TMEM229B: variants seen among roughly 807,000 people sequenced by gnomAD.
The protein encoded by TMEM229B is transmembrane protein 229B.
Under a neutral mutation model 13.7 loss-of-function variants are expected in TMEM229B, and 6 were observed. The observed-to-expected ratio is 0.44, with a 90% CI of 0.24 to 0.86. The LOEUF is 0.86. Among genes scored for constraint, TMEM229B ranks in the 40% least tolerant of loss-of-function variants. The pLI is 0.23. For missense variants in TMEM229B, 170 were observed against 236.0 expected (o/e 0.72, Z 1.83); for synonymous variants, 107 against 102.1 (o/e 1.05, Z -0.29).
At chr14:67,477,799 C>T (rs1384767106) in intron 2 of TMEM229B, among the ~76,000 whole-genome samples, 1 of 152,194 alleles carries the variant, frequency 6.6e-6, no homozygotes, top group Non-Finnish European at 1.5e-5. Flanking sequence ...AACCCATTAT[C>T]TTTTCCCCAA....
At chr14:67,506,386 G>A (rs1294580420) in intron 1 of TMEM229B, among the ~76,000 whole-genome samples, 9 of 152,122 alleles carry the variant, frequency 5.9e-5, no homozygotes. Flanking sequence ...ACAGTGGGAG[G>A]CAAAATTAAG....
rs925181465 is a variant in TMEM229B at position 67,471,958 on chromosome 14, T to A, written c.*1462A>T. On this transcript the variant is annotated 3_prime_UTR_variant, in exon 3 of 3. Transcript: ENST00000554480. ...CTAACGGACCCTTCCCCTTGAGGAG[T>A]GAGAGTCAGAGCCGGAAGTAGGCTG... 6.6e-6 allele frequency: 1 copy of A among 151,970 alleles called. No individual in the cohort carries two copies. Among genetic ancestry groups the A allele is most frequent in the Non-Finnish European group, 1.5e-5 (1 of 68,026 alleles). 9.4% of individuals were successfully genotyped at this position (151,970 alleles called of 1,614,324 possible).
chr14:67,505,301 G>T (rs369737819), intron 1 of TMEM229B, among the ~76,000 whole-genome samples: 10 of 152,108 alleles, frequency 6.6e-5, no homozygotes, highest in African/African-American at 2.2e-4. Context: ...TAGAAAACTG[G>T]CCCTCCTGTC....
intron 1 of TMEM229B, among the ~76,000 whole-genome samples, chr14:67,507,023 C>T (rs766342678): frequency 2.0e-5 from 3 of 151,866 alleles, no homozygotes; most frequent in Non-Finnish European, 4.4e-5. Flanking sequence ...AAGCCTTGTT[C>T]AAAGGGAACT....
chr14:67,516,395 G>A (rs2033201124), upstream of TMEM229B, among the ~76,000 whole-genome samples: 1 of 124,540 alleles, frequency 8.0e-6, no homozygotes, highest in Non-Finnish European at 1.9e-5. Flanking sequence ...AACCTAGCTG[G>A]AGAGGGGGGG....
chr14:67,477,625 T>C (rs2140063103), intron 2 of TMEM229B, among the ~76,000 whole-genome samples: 1 of 152,048 alleles, frequency 6.6e-6, no homozygotes, highest in East Asian at 1.9e-4. Flanking sequence ...CCAAACTCCT[T>C]TCCTAAATCA....
intron 1 of TMEM229B, among the ~76,000 whole-genome samples, chr14:67,523,488 A>G (rs897754825): frequency 3.3e-5 from 5 of 152,224 alleles, no homozygotes; most frequent in African/African-American, 1.2e-4. Flanking sequence ...AAAGAATGAA[A>G]CCTAGGCATT....
intron 2 of TMEM229B, among the ~76,000 whole-genome samples, chr14:67,475,818 C>T (rs1349178281): frequency 6.6e-6 from 1 of 152,242 alleles, no homozygotes; most frequent in Admixed American, 6.5e-5. Flanking sequence ...CCACCAGCGA[C>T]TGTCTGCACC....
At chr14:67,509,239 C>T (rs1007799779) in intron 1 of TMEM229B, among the ~76,000 whole-genome samples, 5 of 152,192 alleles carry the variant, frequency 3.3e-5, no homozygotes, top group Non-Finnish European at 5.9e-5. Flanking sequence ...CCTTACTGAA[C>T]ATTCATTGAG....
intron 1 of TMEM229B, among the ~76,000 whole-genome samples, chr14:67,509,668 C>T (rs1472918949): frequency 1.3e-5 from 2 of 152,142 alleles, no homozygotes; most frequent in Non-Finnish European, 2.9e-5. Context: ...TTTACCCTCT[C>T]CCCAACATTT....
intron 1 of TMEM229B, among the ~76,000 whole-genome samples, chr14:67,500,081 C>A (rs890739787): frequency 6.6e-6 from 1 of 152,086 alleles, no homozygotes; most frequent in Non-Finnish European, 1.5e-5. Context: ...GCCCGTAGTC[C>A]CAGCTACTCA....
intron 2 of TMEM229B, among the ~76,000 whole-genome samples, chr14:67,474,444 TTGC>T (rs1455623606): frequency 1.3e-5 from 2 of 152,142 alleles, no homozygotes; most frequent in Admixed American, 6.5e-5. Flanking sequence ...TCTAGACTAC[TTGC>T]TGATTTCTCA....
intron 1 of TMEM229B, among the ~76,000 whole-genome samples, chr14:67,506,534 TA>T (rs1402054518): frequency 2.0e-5 from 3 of 152,116 alleles, no homozygotes; most frequent in African/African-American, 7.2e-5. Context: ...CCCATAAAAA[TA>T]ATGGGGATAG....
At chr14:67,491,892 C>T (rs959518933), upstream of TMEM229B, among the ~76,000 whole-genome samples, 3 of 152,270 alleles carry the variant, frequency 2.0e-5, no homozygotes, top group South Asian at 6.2e-4. Flanking sequence ...AGGCCCAGGC[C>T]GCGGGGGCCT....
intron 1 of TMEM229B, among the ~76,000 whole-genome samples, chr14:67,510,526 A>G (rs1367318396): frequency 6.6e-6 from 1 of 152,272 alleles, no homozygotes; most frequent in Non-Finnish European, 1.5e-5. Flanking sequence ...ATAGGTCAGT[A>G]TAAGAAGGTC....
intron 2 of TMEM229B, among the ~76,000 whole-genome samples, chr14:67,483,207 C>T (rs563671487): frequency 5.8e-4 from 88 of 152,238 alleles, no homozygotes; most frequent in Middle Eastern, 6.8e-3. Context: ...GACGAGGTTT[C>T]ACCATGTTGG....
At chr14:67,503,828 C>G (rs560968689) in intron 1 of TMEM229B, among the ~76,000 whole-genome samples, 12 of 144,810 alleles carry the variant, frequency 8.3e-5, no homozygotes, top group African/African-American at 3.1e-4. Flanking sequence ...CTCAGCCTCC[C>G]GAGTAGCTGG....
chr14:67,498,775 CCTGT>C (rs1397035051), intron 1 of TMEM229B, among the ~76,000 whole-genome samples: 1 of 152,090 alleles, frequency 6.6e-6, no homozygotes, highest in Non-Finnish European at 1.5e-5. Flanking sequence ...AAGCAATTCT[CCTGT>C]CTCAGTCTCT....
chr14:67,513,961 G>A (rs1324118759), intron 1 of TMEM229B, among the ~76,000 whole-genome samples: 1 of 152,118 alleles, frequency 6.6e-6, no homozygotes, highest in Admixed American at 6.5e-5. Flanking sequence ...CCACCCCCAA[G>A]GCAGGTTGCT....
Sources: gnomAD v4.1 joint callset for allele counts (sites outside exome capture counted in the v4.1 genomes callset) on GRCh38, gnomAD v4.1.1 for gene constraint, MANE v1.5 for transcripts, NCBI Gene and HGNC (gene_info 2026-07-23, HGNC 2026-07-21) for gene names.